Variants in RPH3AL observed in about 807,000 individuals in gnomAD.
RPH3AL encodes rab effector Noc2.
Under a neutral mutation model 43.1 loss-of-function variants are expected in RPH3AL, and 38 were observed. The ratio of observed to expected loss-of-function variants is 0.88; its 90% confidence interval spans 0.68 to 1.15. RPH3AL has a LOEUF of 1.15. Ranked by LOEUF, RPH3AL falls within the 50% of genes most tolerant of loss-of-function variation. RPH3AL has a pLI of 0.00. For missense variants in RPH3AL, 462 were observed against 423.2 expected (o/e 1.09, Z -0.81); for synonymous variants, 189 against 176.3 (o/e 1.07, Z -0.57).
chr17:269,281 G>A (rs530203258), intron 6 of RPH3AL, among the ~76,000 whole-genome samples: 2 of 152,126 alleles, frequency 1.3e-5, no homozygotes, highest in Non-Finnish European at 2.9e-5. Context: ...CAGAGTGCTG[G>A]GTGTGAGCCA....
At chr17:312,388 C>T (rs976495752) in intron 5 of RPH3AL, among the ~76,000 whole-genome samples, 2 of 152,196 alleles carry the variant, frequency 1.3e-5, no homozygotes, top group African/African-American at 2.4e-5. Context: ...TGTCTGCAAG[C>T]CATGAACAGG....
In RPH3AL at chr17:285,869, C is replaced by T. The variant is rs369748329; in HGVS notation, c.352-4015G>A. On this transcript the variant is annotated intron_variant, in intron 5 of 9. Transcript: ENST00000331302. ...CCTCAGCGCGGCTCTATCTCCACCCCCATCCCGTCTAGCGCTCACCTCCCC... is the reference window on the plus strand; with the variant it reads ...CCTCAGCGCGGCTCTATCTCCACCCTCATCCCGTCTAGCGCTCACCTCCCC... Among the ~76,000 whole-genome samples the T allele has an allele frequency of 8.5e-5, 13 of 152,326 alleles. No individual in the cohort carries two copies. In the East Asian group the frequency reaches 2.3e-3, roughly 27 times the overall value.
intron 5 of RPH3AL, among the ~76,000 whole-genome samples, chr17:314,455 TGTAGTCTCTATGCCC>T (rs1431252749): frequency 5.5e-5 from 7 of 128,198 alleles, no homozygotes; most frequent in Admixed American, 1.6e-4. Flanking sequence ...TCCATTGACC[TGTAGTCTCTATGCCC>T]CCACCTCCAT....
At chr17:222,193 T>C (rs1034580922) in intron 7 of RPH3AL, among the ~76,000 whole-genome samples, 2 of 152,302 alleles carry the variant, frequency 1.3e-5, no homozygotes, top group South Asian at 4.2e-4. Context: ...GACACATTCA[T>C]TGAAGTTTCA....
chr17:227,885 A>C (rs545247039), intron 7 of RPH3AL, among the ~76,000 whole-genome samples: 1 of 152,300 alleles, frequency 6.6e-6, no homozygotes, highest in East Asian at 1.9e-4. Flanking sequence ...AACAAAAAAA[A>C]AATTCTCTAA....
intron 6 of RPH3AL, among the ~76,000 whole-genome samples, chr17:253,366 C>A (rs1431657768): frequency 6.6e-6 from 1 of 152,136 alleles, no homozygotes; most frequent in Admixed American, 6.5e-5. Flanking sequence ...TAAGACACCC[C>A]ACAGAGCTGC....
At chr17:224,120 C>T (rs1271899886) in intron 7 of RPH3AL, among the ~76,000 whole-genome samples, 1 of 152,260 alleles carries the variant, frequency 6.6e-6, no homozygotes, top group Non-Finnish European at 1.5e-5. Flanking sequence ...CTCGAGGTGT[C>T]AGCTCCTCCA....
At chr17:269,114 A>G (rs147011958) in intron 6 of RPH3AL, among the ~76,000 whole-genome samples, 14,842 of 152,122 alleles carry the variant, frequency 0.098, 998 homozygotes, top group African/African-American at 0.2. Flanking sequence ...TCCTGACCTC[A>G]TAATCCGCCC....
intron 7 of RPH3AL, among the ~76,000 whole-genome samples, chr17:228,437 C>A (rs572749752): frequency 6.6e-6 from 1 of 152,072 alleles, no homozygotes. Context: ...AAAGGAGTAA[C>A]GCGTTCGGCA....
intron 5 of RPH3AL, among the ~76,000 whole-genome samples, chr17:317,690 T>G (rs73971733): frequency 0.023 from 3,549 of 152,294 alleles, 128 homozygotes; most frequent in African/African-American, 0.08. Flanking sequence ...TTACCACATA[T>G]GACAAAAGCA....
rs1438074755 is a variant in RPH3AL at position 319,403 on chromosome 17, C to T, written c.351+17G>A. 6.2e-7 allele frequency: 1 copy of T among 1,608,998 alleles called. No individual in the cohort carries two copies. Among genetic ancestry groups the T allele is most frequent in the Non-Finnish European group, 8.5e-7 (1 of 1,178,528 alleles). Reference sequence around the variant, plus strand: ...AGGCTGGGAAGCCAGAATGACAGGGCCAGAGCAGGGTCTTACCTTCCTGCA... The same window carrying T: ...AGGCTGGGAAGCCAGAATGACAGGGTCAGAGCAGGGTCTTACCTTCCTGCA... On this transcript the variant is annotated intron_variant, in intron 5 of 9. Coordinates refer to ENST00000331302, the MANE Select transcript of RPH3AL (RefSeq NM_006987.4).
chr17:299,157 C>T (rs1206816886), intron 5 of RPH3AL, among the ~76,000 whole-genome samples: 1 of 152,166 alleles, frequency 6.6e-6, no homozygotes, highest in Non-Finnish European at 1.5e-5. Flanking sequence ...GACTCGTCCA[C>T]AGTCTGGAAC....
chr17:313,092 G>A (rs1002036667), intron 5 of RPH3AL, among the ~76,000 whole-genome samples: 1 of 152,116 alleles, frequency 6.6e-6, no homozygotes, highest in Non-Finnish European at 1.5e-5. Flanking sequence ...CCCTGAAGTC[G>A]AGAGCTCTTT....
At position 321,401 on chromosome 17, in the gene RPH3AL, CA is replaced by C. The variant is rs779832530; in HGVS notation, c.91del (p.Trp31GlyfsTer53). 3 of 1,608,348 alleles carry C rather than the reference CA, an allele frequency of 1.9e-6. No homozygotes were observed. The highest frequency in any genetic ancestry group is 2.5e-6 in the Non-Finnish European group (3 of 1,178,964). ...CTCCGTCTGGTAGGTGTGCACGGAC[CA>C]GCCCGTCTGCAGCCTCGAGAGGGAA... ...LALRAKLQTG[W>X]SVHTYQTEKQ... is the part of the protein sequence containing the mutation. On this transcript the variant is annotated frameshift_variant, in exon 4 of 10. Coordinates refer to ENST00000331302, the MANE Select transcript of RPH3AL (RefSeq NM_006987.4). LOFTEE classifies it high-confidence loss of function.
At chr17:266,480 C>T (rs963428121) in intron 6 of RPH3AL, among the ~76,000 whole-genome samples, 11 of 152,204 alleles carry the variant, frequency 7.2e-5, no homozygotes, top group African/African-American at 2.2e-4. Flanking sequence ...TGGAGGGCCC[C>T]GCCCTCATCA....
chr17:330,683 C>T (rs148679739), intron 2 of RPH3AL, among the ~76,000 whole-genome samples: 3,477 of 152,160 alleles, frequency 0.023, 120 homozygotes, highest in African/African-American at 0.079. Flanking sequence ...TGAGACCAGC[C>T]TGGGCAACAT....
intron 5 of RPH3AL, among the ~76,000 whole-genome samples, chr17:315,509 C>A: frequency 6.6e-6 from 1 of 152,278 alleles, no homozygotes; most frequent in African/African-American, 2.4e-5. Context: ...GTGACTCCAC[C>A]TCCATTGACC....
intron 3 of RPH3AL, 143 bp downstream of exon 3, chr17:327,324 G>A (rs550084388): frequency 1.4e-6 from 1 of 711,042 alleles, no homozygotes; most frequent in East Asian, 2.6e-5. Flanking sequence ...CTGTGTCCAG[G>A]GCCTGGAGTG....
chr17:213,476 C>T lies in RPH3AL; in HGVS notation c.*376G>A. 3.1e-6 allele frequency: 1 copy of T among 323,386 alleles called. No individual in the cohort carries two copies. Among genetic ancestry groups the T allele is most frequent in the Non-Finnish European group, 5.9e-6 (1 of 170,340 alleles). 20.0% of individuals were successfully genotyped at this position (323,386 alleles called of 1,614,324 possible). A position where few individuals can be genotyped will look rare whatever the true frequency, so the allele number is the denominator to read the frequency against. ...TGCCCTAGGTTTCATTTAGTCTTGCCATTAATATAGCAACGGAGATAGCCC... is the reference window on the plus strand; with the variant it reads ...TGCCCTAGGTTTCATTTAGTCTTGCTATTAATATAGCAACGGAGATAGCCC... On this transcript the variant is annotated 3_prime_UTR_variant, in exon 10 of 10. Transcript: ENST00000331302.
Sources: gnomAD v4.1 joint callset for allele counts (sites outside exome capture counted in the v4.1 genomes callset) on GRCh38, gnomAD v4.1.1 for gene constraint, MANE v1.5 for transcripts, NCBI Gene and HGNC (gene_info 2026-07-23, HGNC 2026-07-21) for gene names.